Variants in RAG2 observed in about 807,000 individuals in gnomAD.
RAG2 encodes recombination activating 2, also known as V(D)J recombination-activating protein 2.
Under a neutral mutation model 31.8 loss-of-function variants are expected in RAG2, and 16 were observed. That is an observed-to-expected ratio of 0.50 (90% CI 0.34 to 0.76). The LOEUF (loss-of-function observed/expected upper bound fraction) is 0.76. Among genes scored for constraint, RAG2 ranks in the 30% least tolerant of loss-of-function variants. The pLI, the probability that RAG2 is intolerant of heterozygous loss-of-function variation, is 0.01. For missense variants in RAG2, 622 were observed against 628.5 expected, an observed-to-expected ratio of 0.99 and a Z score of 0.11; for synonymous variants, 199 against 215.9, an observed-to-expected ratio of 0.92 and a Z score of 0.68.
In RAG2 at chr11:36,591,960, TTTC is replaced by T. The variant is rs1163141675; in HGVS notation, c.*622_*624del. ...TGTCAAACTTGATGTAGATTATTTA[TTTC>T]TTCTTTTGTGTCAGTGGAGAACATT... is the stretch of plus-strand genomic sequence containing the variant. On this transcript the variant is annotated 3_prime_UTR_variant, in exon 2 of 2. Coordinates refer to ENST00000311485, the MANE Select transcript of RAG2 (RefSeq NM_000536.4). The T allele has an allele frequency of 6.6e-6, 1 of 152,262 alleles. No individual in the cohort carries two copies. The highest frequency in any genetic ancestry group is 2.4e-5 in the African/African-American group (1 of 41,456). 9.4% of individuals were successfully genotyped at this position (152,262 alleles called of 1,614,324 possible).
Position 36,592,981 on chromosome 11 carries a change from A to G in RAG2, c.1188T>C (p.Asp396=). The change falls in exon 2 of 2, where the codon GAT becomes GAC. Residue 396 remains aspartate, a synonymous_variant. Coordinates refer to ENST00000311485, the MANE Select transcript of RAG2 (RefSeq NM_000536.4). ...CTTCATTATAGGTGTCAAATTCATC[A>G]TCACCATCAAAACTATTTGCTTCTG... ...FSAEANSFDG[D]DEFDTYNEDD... 1 of 1,614,170 alleles carries G rather than the reference A, an allele frequency of 6.2e-7. No individual in the cohort carries two copies. Among genetic ancestry groups the G allele is most frequent in the Non-Finnish European group, 8.5e-7 (1 of 1,180,014 alleles).
At chr11:36,594,858 C>T (rs1851142508) in intron 1 of RAG2, 1 of 152,498 alleles carries the variant, frequency 6.6e-6, no homozygotes. Flanking sequence ...TTACGGTGTC[C>T]TGCCTGTCTG....
chr11:36,591,948 G>A lies in RAG2; in HGVS notation c.*637C>T, dbSNP rs1048362642. On this transcript the variant is annotated 3_prime_UTR_variant, in exon 2 of 2. Coordinates refer to ENST00000311485, the MANE Select transcript of RAG2 (RefSeq NM_000536.4). ...TTCAGGAAAACATGTCAAACTTGAT[G>A]TAGATTATTTATTTCTTCTTTTGTG... 1.3e-5 allele frequency: 2 copies of A among 152,170 alleles called. No homozygotes were observed. Among genetic ancestry groups the A allele is most frequent in the African/African-American group, 4.8e-5 (2 of 41,424 alleles). The allele number at this position is 152,170 out of a possible 1,614,324, so 9.4% of individuals were successfully genotyped here.
In RAG2 at chr11:36,593,419, T is replaced by C. The variant is rs747690737; in HGVS notation, c.750A>G (p.Thr250=). Residue 250 remains threonine, a synonymous_variant, in exon 2 of 2, where the codon ACA becomes ACG. Coordinates refer to ENST00000311485, the MANE Select transcript of RAG2 (RefSeq NM_000536.4). The stretch of plus-strand genomic sequence containing the variant: ...AGACAGAGATTCCTCCTGGCAAGAC[T>C]GTGCAATTCACAGCTGGGCTACCCA... ...LPLGSPAVNC[T]VLPGGISVSS... 8 of 1,613,964 alleles carry C rather than the reference T, an allele frequency of 5.0e-6. No homozygotes were observed. Among genetic ancestry groups the C allele is most frequent in the African/African-American group, 1.3e-5 (1 of 74,936 alleles).
Position 36,593,234 on chromosome 11 carries a change from T to G in RAG2, c.935A>C (p.Lys312Thr). The change falls in exon 2 of 2, where the codon AAG becomes ACG. Residue 312 changes from lysine (K) to threonine (T), a missense_variant. By Grantham distance (78) the Lys-to-Thr change is moderately conservative. Coordinates refer to ENST00000311485, the MANE Select transcript of RAG2 (RefSeq NM_000536.4). ...METPDWTPDIKHSKIWFGSNM... is the reference protein window; with the variant it reads ...METPDWTPDITHSKIWFGSNM... ...GCTTCCAAACCATATCTTGCTGTGC[T>G]TAATGTCTGGGGTCCAATCTGGGGT... The G allele has an allele frequency of 6.2e-7, 1 of 1,614,234 alleles. No homozygotes were observed. Among genetic ancestry groups the G allele is most frequent in the Non-Finnish European group, 8.5e-7 (1 of 1,180,046 alleles).
Position 36,592,805 on chromosome 11 carries a change from T to C in RAG2, c.1364A>G (p.His455Arg), listed in dbSNP as rs776679669. The change falls in exon 2 of 2, where the codon CAT becomes CGT. Residue 455 changes from histidine (H) to arginine (R), a missense_variant. His to Arg is a conservative substitution (Grantham distance 29). Coordinates refer to ENST00000311485, the MANE Select transcript of RAG2 (RefSeq NM_000536.4). Reference sequence around the variant, plus strand: ...TTCTGCCAGATCCATGCACTGAGCATGGACCCAGTGCCCATCCCCATGAGA... The same window carrying C: ...TTCTGCCAGATCCATGCACTGAGCACGGACCCAGTGCCCATCCCCATGAGA... ...YCSHGDGHWV[H>R]AQCMDLAERT... 1.2e-6 allele frequency: 2 copies of C among 1,614,178 alleles called. No individual in the cohort carries two copies. Among genetic ancestry groups the C allele is most frequent in the Admixed American group, 1.7e-5 (1 of 60,024 alleles).
Position 36,593,373 on chromosome 11 carries a change from T to C in RAG2, c.796A>G (p.Thr266Ala). ...ISVSSAILTQTNNDEFVIVGG... is the reference protein window; with the variant it reads ...ISVSSAILTQANNDEFVIVGG... The stretch of plus-strand genomic sequence containing the variant: ...ACAATAACAAATTCATCATTGTTAG[T>C]TTGAGTCAGGATTGCACTGGAGACA... The change falls in exon 2 of 2, where the codon ACT becomes GCT. Residue 266 changes from threonine (T) to alanine (A), a missense_variant. Coordinates refer to ENST00000311485, the MANE Select transcript of RAG2 (RefSeq NM_000536.4). The C allele has an allele frequency of 6.2e-7, 1 of 1,614,110 alleles. No homozygotes were observed. Among genetic ancestry groups the C allele is most frequent in the African/African-American group, 1.3e-5 (1 of 75,032 alleles).
At position 36,593,857 on chromosome 11, in the gene RAG2, T is replaced by C; in HGVS notation, c.312A>G (p.Ser104=). The change falls in exon 2 of 2, where the codon TCA becomes TCG. Residue 104 remains serine, a synonymous_variant. Coordinates refer to ENST00000311485, the MANE Select transcript of RAG2 (RefSeq NM_000536.4). ...HGGKTPNNEV[S]DKIYVMSIVC... Reference sequence around the variant, plus strand: ...CAATAGACATGACATAAATCTTATCTGAAACCTCATTGTTTGGTGTTTTCC... The same window carrying C: ...CAATAGACATGACATAAATCTTATCCGAAACCTCATTGTTTGGTGTTTTCC... 1 of 1,614,276 alleles carries C rather than the reference T, an allele frequency of 6.2e-7. No individual in the cohort carries two copies. The highest frequency in any genetic ancestry group is 1.1e-5 in the South Asian group (1 of 91,090).
Position 36,594,060 on chromosome 11 carries a change from G to A in RAG2, c.109C>T (p.Pro37Ser). ...QVFFFGQKGW[P>S]KRSCPTGVFH... Reference sequence around the variant, plus strand: ...ACTCCAGTGGGGCAGGATCTTTTGGGCCAGCCTTTTTGTCCAAAGAAGAAA... The same window carrying A: ...ACTCCAGTGGGGCAGGATCTTTTGGACCAGCCTTTTTGTCCAAAGAAGAAA... The change falls in exon 2 of 2, where the codon CCC becomes TCC. Residue 37 changes from proline to serine, a missense_variant. Transcript: ENST00000311485. 1 of 1,614,036 alleles carries A rather than the reference G, an allele frequency of 6.2e-7. No homozygotes were observed. Among genetic ancestry groups the A allele is most frequent in the Non-Finnish European group, 8.5e-7 (1 of 1,179,934 alleles).
Position 36,593,677 on chromosome 11 carries a change from A to G in RAG2, c.492T>C (p.Ser164=). The G allele has an allele frequency of 1.2e-6, 2 of 1,614,202 alleles. No homozygotes were observed. The highest frequency in any genetic ancestry group is 1.7e-6 in the Non-Finnish European group (2 of 1,180,032). The change falls in exon 2 of 2, where the codon TCT becomes TCC. Residue 164 remains serine (S), a synonymous_variant. Coordinates refer to ENST00000311485, the MANE Select transcript of RAG2 (RefSeq NM_000536.4). The part of the protein sequence containing the change: ...VLFGGRSYMP[S]THRTTEKWNS... ...TCCATTTTTCTGTGGTTCTGTGGGT[A>G]GAAGGCATGTATGAGCGTCCTCCAA...
At chr11:36,597,420 G>A (rs771820416) in intron 1 of RAG2, among the ~76,000 whole-genome samples, 9 of 152,144 alleles carry the variant, frequency 5.9e-5, no homozygotes, top group Admixed American at 2.0e-4. Context: ...TTCAGCTGAG[G>A]GAGGCTTCAA....
At chr11:36,597,554 AGGGCATAGTTG>A (rs1851321176) in intron 1 of RAG2, 1 of 152,196 alleles carries the variant, frequency 6.6e-6, no homozygotes, top group Non-Finnish European at 1.5e-5. Context: ...CTCTGATGCT[AGGGCATAGTTG>A]AGTATAATGA....
At position 36,598,125 on chromosome 11, in the gene RAG2, C is replaced by A. The variant is rs1057130622; in HGVS notation, c.-51G>T. The A allele has an allele frequency of 6.6e-6, 1 of 152,034 alleles. No individual in the cohort carries two copies. Among genetic ancestry groups the A allele is most frequent in the Non-Finnish European group, 1.5e-5 (1 of 68,006 alleles). 9.4% of individuals were successfully genotyped at this position (152,034 alleles called of 1,614,324 possible). ...ACCTGAAGGCCAGAGGGGCTGCTCA[C>A]GCCTCTCTGAATCTTTGCCGCTAAA... On this transcript the variant is annotated 5_prime_UTR_variant, in exon 1 of 2. Coordinates refer to ENST00000311485, the MANE Select transcript of RAG2 (RefSeq NM_000536.4).
intron 1 of RAG2, among the ~76,000 whole-genome samples, chr11:36,597,349 G>A (rs1851310835): frequency 6.6e-6 from 1 of 152,110 alleles, no homozygotes; most frequent in South Asian, 2.1e-4. Flanking sequence ...ACCTACTGAA[G>A]TCTTTTCCTT....
chr11:36,593,348 A>G lies in RAG2; in HGVS notation c.821T>C (p.Val274Ala). 1 of 1,614,122 alleles carries G rather than the reference A, an allele frequency of 6.2e-7. No homozygotes were observed. Among genetic ancestry groups the G allele is most frequent in the Non-Finnish European group, 8.5e-7 (1 of 1,180,020 alleles). ...TQTNNDEFVI[V>A]GGYQLENQKR... Reference sequence around the variant, plus strand: ...TTGATTTTCAAGCTGATAGCCACCAACAATAACAAATTCATCATTGTTAGT... The same window carrying G: ...TTGATTTTCAAGCTGATAGCCACCAGCAATAACAAATTCATCATTGTTAGT... The change falls in exon 2 of 2, where the codon GTT becomes GCT. Residue 274 changes from valine (V) to alanine (A), a missense_variant. Coordinates refer to ENST00000311485, the MANE Select transcript of RAG2 (RefSeq NM_000536.4).
Position 36,593,076 on chromosome 11 carries a change from T to G in RAG2, c.1093A>C (p.Ser365Arg). Residue 365 changes from serine (S) to arginine (R), a missense_variant, in exon 2 of 2, where the codon AGT becomes CGT. Physicochemically the swap from Ser to Arg is moderately radical, Grantham distance 110 (BLOSUM62 -1). Transcript: ENST00000311485. ...CCTGGATCTTCTGTTGATGTTTGAC[T>G]GTTTGTGAATGTTGTCTGCTCTTCA... The part of the protein sequence containing the change: ...TNEEQTTFTN[S>R]QTSTEDPGDS... 2.5e-6 allele frequency: 4 copies of G among 1,614,132 alleles called. No individual in the cohort carries two copies. The highest frequency in any genetic ancestry group is 3.4e-6 in the Non-Finnish European group (4 of 1,179,952).
downstream of RAG2, among the ~76,000 whole-genome samples, chr11:36,591,638 C>A (rs888516977): frequency 1.3e-5 from 2 of 151,726 alleles, no homozygotes; most frequent in Non-Finnish European, 2.9e-5. Flanking sequence ...CACACAAATA[C>A]ATTTCTTTTC....
In RAG2 at chr11:36,593,796, T is replaced by C. The variant is rs1459865866; in HGVS notation, c.373A>G (p.Thr125Ala). 1.9e-6 allele frequency: 3 copies of C among 1,614,100 alleles called. No homozygotes were observed. Among genetic ancestry groups the C allele is most frequent in the Admixed American group, 3.3e-5 (2 of 60,014 alleles). ...ACATCTCCTACCAAGTCTTTCTCTG[T>C]GCAGCGAAAAGTAACCTTTTTGTTG... ...KNNKKVTFRC[T>A]EKDLVGDVPE... Residue 125 changes from threonine to alanine, a missense_variant, in exon 2 of 2, where the codon ACA (threonine) becomes GCA (alanine). Coordinates refer to ENST00000311485, the MANE Select transcript of RAG2 (RefSeq NM_000536.4).
At position 36,592,684 on chromosome 11, in the gene RAG2, T is replaced by A. The variant is rs1416589328; in HGVS notation, c.1485A>T (p.Leu495=). ...ATTTCATTGGAGGCTTTTTTAAGGG[T>A]AGGACTCTTTGGGGAGTGTGTAGAG... is the stretch of plus-strand genomic sequence containing the variant. ...ARALHTPQRV[L]PLKKPPMKSL... is the part of the protein sequence containing the mutation. Residue 495 remains leucine (L), a synonymous_variant, in exon 2 of 2, where the codon CTA becomes CTT. Transcript: ENST00000311485. 2.5e-6 allele frequency: 4 copies of A among 1,614,102 alleles called. No individual in the cohort carries two copies. The Admixed American group carries it at 6.7e-5, about 27-fold the overall frequency.
Sources: allele counts gnomAD v4.1 joint callset (sites outside exome capture counted in the v4.1 genomes callset), GRCh38; gene constraint gnomAD v4.1.1; transcripts MANE v1.5; gene names NCBI Gene and HGNC (gene_info 2026-07-23, HGNC 2026-07-21).